MARCHF5: variants seen among roughly 807,000 people sequenced by gnomAD.
MARCHF5 encodes the protein membrane associated ring-CH-type finger 5.
A neutral mutation model predicts 36.5 loss-of-function variants in MARCHF5; 5 were observed. The ratio of observed to expected loss-of-function variants is 0.14; its 90% confidence interval spans 0.07 to 0.29. The LOEUF is 0.29. Ranked by LOEUF, MARCHF5 falls within the 10% of genes least tolerant of loss-of-function variation. The pLI is 1.00. For missense variants in MARCHF5, 179 were observed against 336.3 expected, an observed-to-expected ratio of 0.53 and a Z score of 3.66; for synonymous variants, 103 against 109.9, an observed-to-expected ratio of 0.94 and a Z score of 0.39.
intron 3 of MARCHF5, among the ~76,000 whole-genome samples, chr10:92,341,780 C>CTTTTTTTTTTTTTTT: frequency 1.3e-5 from 1 of 77,392 alleles, no homozygotes; most frequent in Non-Finnish European, 2.5e-5. Flanking sequence ...AGTTTACATC[C>CTTTTTTTTTTTTTTT]TTTTTTTTTT....
At chr10:92,308,163 G>T (rs1041490739) in intron 1 of MARCHF5, among the ~76,000 whole-genome samples, 8 of 151,868 alleles carry the variant, frequency 5.3e-5, no homozygotes, top group African/African-American at 1.9e-4. Flanking sequence ...GGATGGTCTC[G>T]ATCTCCTGAC....
At chr10:92,340,842 G>C in intron 3 of MARCHF5, 39 bp downstream of exon 3, 5 of 1,490,136 alleles carry the variant, frequency 3.4e-6, no homozygotes, top group Non-Finnish European at 4.5e-6. Context: ...TACTTGGTGT[G>C]AAGATCTATT....
At position 92,291,250 on chromosome 10, in the gene MARCHF5, C is replaced by CT; in HGVS notation, c.-245_-244insT. ...GAACCTCGGGCCGACGGACGGGAAC[C>CT]CGGGCCGCGATCGCCGCCTCCCCGC... On this transcript the variant is annotated 5_prime_UTR_variant, in exon 1 of 6. It introduces an in-frame stop codon into an upstream open reading frame of the 5' UTR. Coordinates refer to ENST00000358935, the MANE Select transcript of MARCHF5 (RefSeq NM_017824.5). The CT allele has an allele frequency of 1.8e-6, 1 of 541,466 alleles. No individual in the cohort carries two copies. The highest frequency in any genetic ancestry group is 3.2e-6 in the Non-Finnish European group (1 of 311,672). The allele number at this position is 541,466 out of a possible 1,614,324, so 33.5% of individuals were successfully genotyped here. A position where few individuals can be genotyped will look rare whatever the true frequency, so the allele number is the denominator to read the frequency against.
intron 1 of MARCHF5, among the ~76,000 whole-genome samples, chr10:92,301,682 C>A (rs919906012): frequency 6.6e-6 from 1 of 152,214 alleles, no homozygotes; most frequent in Non-Finnish European, 1.5e-5. Context: ...ATGCTCAAGT[C>A]CCTGATATAA....
At chr10:92,328,395 C>G (rs1843393012) in intron 2 of MARCHF5, among the ~76,000 whole-genome samples, 1 of 142,918 alleles carries the variant, frequency 7.0e-6, no homozygotes, top group Non-Finnish European at 1.5e-5. Flanking sequence ...GTTGATTTTG[C>G]CCTGTTTATC....
intron 2 of MARCHF5, among the ~76,000 whole-genome samples, chr10:92,321,117 C>G (rs1843284475): frequency 6.6e-6 from 1 of 152,000 alleles, no homozygotes; most frequent in South Asian, 2.1e-4. Flanking sequence ...ACCATATAGC[C>G]TAGGTGTGTA....
At chr10:92,337,817 T>C (rs1018439459) in intron 2 of MARCHF5, among the ~76,000 whole-genome samples, 4 of 151,938 alleles carry the variant, frequency 2.6e-5, no homozygotes, top group Non-Finnish European at 5.9e-5. Context: ...GGAATATTGG[T>C]TGATGAGTAC....
chr10:92,334,889 T>G (rs1469399157), intron 2 of MARCHF5, among the ~76,000 whole-genome samples: 20 of 152,200 alleles, frequency 1.3e-4, no homozygotes, highest in Admixed American at 1.3e-3. Context: ...TTACAAAAGC[T>G]TCTTTATTAT....
At chr10:92,300,169 AAAAAAG>A (rs1842996378) in intron 1 of MARCHF5, among the ~76,000 whole-genome samples, 1 of 151,368 alleles carries the variant, frequency 6.6e-6, no homozygotes, top group African/African-American at 2.4e-5. Flanking sequence ...TCTCAAAAAA[AAAAAAG>A]AAAAGAAAAG....
intron 1 of MARCHF5, among the ~76,000 whole-genome samples, chr10:92,310,865 G>A (rs1590650978): frequency 1.3e-5 from 2 of 152,068 alleles, no homozygotes; most frequent in African/African-American, 4.8e-5. Flanking sequence ...CATTAGAGAA[G>A]GTGAAGAATT....
At chr10:92,348,732 T>C (rs1391672877) in intron 3 of MARCHF5, among the ~76,000 whole-genome samples, 1 of 152,082 alleles carries the variant, frequency 6.6e-6, no homozygotes, top group East Asian at 1.9e-4. Flanking sequence ...ATGCCTGGGA[T>C]CTGTAACCAA....
chr10:92,322,472 C>G (rs1002568085), intron 2 of MARCHF5, among the ~76,000 whole-genome samples: 1 of 142,830 alleles, frequency 7.0e-6, no homozygotes, highest in African/African-American at 2.6e-5. Flanking sequence ...CAGGGCCTCA[C>G]TCTGTCAAAC....
At chr10:92,319,810 GT>G (rs1843267666) in intron 2 of MARCHF5, among the ~76,000 whole-genome samples, 2 of 149,442 alleles carry the variant, frequency 1.3e-5, no homozygotes, top group Non-Finnish European at 3.0e-5. Context: ...ACCTGCCACC[GT>G]GCCCAGCTAA....
chr10:92,328,290 T>C (rs1215345200), intron 2 of MARCHF5, among the ~76,000 whole-genome samples: 1 of 151,700 alleles, frequency 6.6e-6, no homozygotes, highest in African/African-American at 2.4e-5. Flanking sequence ...ATGACCTTGA[T>C]TATTTGGCTG....
chr10:92,349,274 TA>T (rs1005373233), intron 3 of MARCHF5, 74 bp from the exon 4 acceptor site: 12 of 1,135,098 alleles, frequency 1.1e-5, no homozygotes, highest in East Asian at 2.5e-5. Context: ...CATTTTCTAT[TA>T]AAAAAATAGA....
At chr10:92,318,368 G>A (rs548071133) in intron 2 of MARCHF5, among the ~76,000 whole-genome samples, 21 of 149,818 alleles carry the variant, frequency 1.4e-4, no homozygotes, top group Non-Finnish European at 2.9e-4. Context: ...GGAGGTTTCA[G>A]TGTATCAAGA....
chr10:92,316,696 G>A (rs1486909965), intron 2 of MARCHF5, among the ~76,000 whole-genome samples: 2 of 151,934 alleles, frequency 1.3e-5, no homozygotes, highest in Non-Finnish European at 2.9e-5. Context: ...CCAAGTAGAT[G>A]GGGTTACAGG....
intron 1 of MARCHF5, among the ~76,000 whole-genome samples, chr10:92,304,715 A>G (rs1048287711): frequency 6.6e-6 from 1 of 152,316 alleles, no homozygotes; most frequent in Middle Eastern, 3.4e-3. Context: ...TGCACTCATT[A>G]TTGAAGAAAA....
chr10:92,331,481 C>G (rs887378543), intron 2 of MARCHF5, among the ~76,000 whole-genome samples: 7 of 151,950 alleles, frequency 4.6e-5, no homozygotes. Flanking sequence ...TAGTTTGTAC[C>G]ATACTATCAT....
Sources: allele counts gnomAD v4.1 joint callset (sites outside exome capture counted in the v4.1 genomes callset), GRCh38; gene constraint gnomAD v4.1.1; transcripts MANE v1.5; gene names NCBI Gene and HGNC (gene_info 2026-07-23, HGNC 2026-07-21).